HDAC5: variants seen among roughly 807,000 people sequenced by gnomAD.
The protein encoded by HDAC5 is histone deacetylase 5, also known as antigen NY-CO-9.
A neutral mutation model predicts 133.3 loss-of-function variants in HDAC5; 25 were observed. The ratio of observed to expected loss-of-function variants is 0.19; its 90% CI spans 0.14 to 0.26. The LOEUF (loss-of-function observed/expected upper bound fraction) is 0.26, where lower values mean the gene tolerates loss of function less well. HDAC5 is among the 10% of genes least tolerant of loss of function. HDAC5 has a pLI of 1.00. For missense variants in HDAC5, 1,041 were observed against 1,460.5 expected, an observed-to-expected ratio of 0.71 and a Z score of 4.68; for synonymous variants, 589 against 610.8, an observed-to-expected ratio of 0.96 and a Z score of 0.53.
Position 44,091,797 on chromosome 17 carries a change from C to G in HDAC5, c.1067G>C (p.Ser356Thr). The change falls in exon 10 of 27, where the codon AGC (serine) becomes ACC (threonine). Residue 356 changes from serine to threonine, a missense_variant. Physicochemically the swap from Ser to Thr is moderately conservative, Grantham distance 58. This residue lies in a region of HDAC5 where 433 missense variants were observed against 531.6 expected (regional missense o/e 0.81). Transcript: ENST00000682912. ...GTAGAGGCTGAACTGGTTGGGGGAG[C>G]TGTCCAGAGGGAGGGCTCGGTGCTG... ...LPQHRALPLD[S>T]SPNQFSLYTS... The G allele has an allele frequency of 6.9e-6, 11 of 1,596,804 alleles. No homozygotes were observed. The highest frequency in any genetic ancestry group is 9.4e-6 in the Non-Finnish European group (11 of 1,171,654).
chr17:44,112,702 G>A (rs2052417065), intron 2 of HDAC5, among the ~76,000 whole-genome samples: 1 of 152,188 alleles, frequency 6.6e-6, no homozygotes, highest in African/African-American at 2.4e-5. Context: ...CTGCCCTCAG[G>A]CTGGGAGTGG....
At position 44,078,306 on chromosome 17, in the gene HDAC5, CTT is replaced by C. The variant is rs1260449953; in HGVS notation, c.*68_*69del. On this transcript the variant is annotated 3_prime_UTR_variant, in exon 27 of 27. Coordinates refer to ENST00000682912, the MANE Select transcript of HDAC5 (RefSeq NM_005474.5). ...ACGGCACACCTTGTTGAATGTGTGA[CTT>C]TTTGTTTTTAATAGAAAAAATAAAC... is the stretch of plus-strand genomic sequence containing the variant. The C allele has an allele frequency of 3.4e-6, 5 of 1,458,892 alleles. No homozygotes were observed. The highest frequency in any genetic ancestry group is 5.6e-5 in the Admixed American group (2 of 35,812). 90.4% of individuals were successfully genotyped at this position (1,458,892 alleles called of 1,614,324 possible).
intron 2 of HDAC5, among the ~76,000 whole-genome samples, chr17:44,115,542 G>A (rs1383618654): frequency 1.3e-5 from 2 of 152,218 alleles, no homozygotes; most frequent in Non-Finnish European, 2.9e-5. Context: ...AATAGCAGAC[G>A]CTAGGCCCCT....
At chr17:44,107,739 A>C (rs994927138) in intron 3 of HDAC5, among the ~76,000 whole-genome samples, 11 of 152,150 alleles carry the variant, frequency 7.2e-5, no homozygotes, top group African/African-American at 2.7e-4. Flanking sequence ...CTATACACAC[A>C]GCCAAACCCA....
chr17:44,118,155 T>C (rs1039893427), intron 1 of HDAC5, among the ~76,000 whole-genome samples: 1 of 152,182 alleles, frequency 6.6e-6, no homozygotes, highest in Non-Finnish European at 1.5e-5. Context: ...AGCTGGGACT[T>C]CTAGGGGTCT....
Position 44,106,995 on chromosome 17 carries a change from G to C in HDAC5, c.94+3734C>G, listed in dbSNP as rs139935158. Among the ~76,000 whole-genome samples the C allele has an allele frequency of 4.1e-4, 63 of 152,058 alleles. 1 individual carries two copies. The South Asian group carries it at 1.0e-2, about 24-fold the overall frequency. ...GATAGGGTCTTGTTATAGCGCCCAG[G>C]CTGGAATGCAGTGATCATGGCTCAT... On this transcript the variant is annotated intron_variant, in intron 3 of 26. Transcript: ENST00000682912.
intron 3 of HDAC5, 108 bp downstream of exon 3, chr17:44,110,621 G>A (rs1483793906): frequency 1.1e-6 from 1 of 875,012 alleles, no homozygotes; most frequent in African/African-American, 1.6e-5. Context: ...AAACTCTCAA[G>A]ACAGATCTAT....
At chr17:44,111,148 G>C (rs778243537) in intron 2 of HDAC5, 2 of 390,438 alleles carry the variant, frequency 5.1e-6, no homozygotes, top group South Asian at 4.7e-5. Flanking sequence ...AGGAAGGGGA[G>C]CTCAGCGGGC....
In HDAC5 at chr17:44,117,563, G is replaced by C. The variant is rs370734419; in HGVS notation, c.-48C>G. ...GCTGGCGTTGGGGGCTGGGACGGGA[G>C]GGGGTGGAGCTGCGGTGATGTCAAG... On this transcript the variant is annotated 5_prime_UTR_variant, in exon 2 of 27. Transcript: ENST00000682912. The surrounding 1 kb of genome is among the most constrained non-coding windows in gnomAD (Gnocchi z 4.2). 7 of 1,604,746 alleles carry C rather than the reference G, an allele frequency of 4.4e-6. No homozygotes were observed. The African/African-American group carries it at 6.7e-5, about 15-fold the overall frequency.
chr17:44,091,615 T>C, intron 10 of HDAC5, 85 bp downstream of exon 10: 4 of 1,496,326 alleles, frequency 2.7e-6, no homozygotes, highest in Non-Finnish European at 3.6e-6. Context: ...CTTAGGGCCT[T>C]GGAAGGGGAA....
chr17:44,103,959 C>T lies in HDAC5; in HGVS notation c.94+6770G>A, dbSNP rs187265060. On this transcript the variant is annotated intron_variant, in intron 3 of 26. Coordinates refer to ENST00000682912, the MANE Select transcript of HDAC5 (RefSeq NM_005474.5). ...CTGACCTCAGGTGATCCGCCTGCCT[C>T]GGCCTCCCAAAGTGCTGGAATTATA... 1.4e-3 allele frequency among the ~76,000 whole-genome samples: 213 copies of T among 152,070 alleles called. 1 individual carries two copies. The highest frequency in any genetic ancestry group is 4.9e-3 in the African/African-American group (203 of 41,512).
chr17:44,106,590 A>C (rs943187537), intron 3 of HDAC5, among the ~76,000 whole-genome samples: 14 of 151,488 alleles, frequency 9.2e-5, no homozygotes, highest in African/African-American at 7.3e-5. Flanking sequence ...TGCACAAAAG[A>C]AGCTTTTTTT....
chr17:44,100,409 C>G (rs1470868711), intron 3 of HDAC5, among the ~76,000 whole-genome samples: 1 of 151,886 alleles, frequency 6.6e-6, no homozygotes, highest in East Asian at 1.9e-4. Context: ...GGCTTAGCAT[C>G]TAGCTCTAAA....
intron 6 of HDAC5, 97 bp downstream of exon 6, chr17:44,092,995 G>GTA: frequency 1.2e-6 from 1 of 845,202 alleles, no homozygotes. Flanking sequence ...TGCAGGGCCC[G>GTA]TATATGGGCA....
chr17:44,091,648 G>A (rs1241151966), intron 10 of HDAC5, 52 bp downstream of exon 10: 7 of 1,515,114 alleles, frequency 4.6e-6, no homozygotes, highest in Non-Finnish European at 6.2e-6. Context: ...GGGCATGCAG[G>A]ACCTGTGACC....
intron 2 of HDAC5, 147 bp from the exon 3 acceptor site, chr17:44,110,947 A>AC: frequency 3.0e-6 from 2 of 662,940 alleles, no homozygotes; most frequent in South Asian, 3.4e-5. Flanking sequence ...CCCGCACAGC[A>AC]CAGGTTCCCT....
chr17:44,121,443 CT>C (rs1237627643), intron 1 of HDAC5, among the ~76,000 whole-genome samples: 12 of 141,082 alleles, frequency 8.5e-5, no homozygotes, highest in African/African-American at 1.6e-4. Context: ...CTTCCCCCCC[CT>C]ACTGCCACCA....
chr17:44,086,986 C>CGGGGGGGGGGG (rs2050685214), intron 13 of HDAC5, among the ~76,000 whole-genome samples: 1 of 2,838 alleles, frequency 3.5e-4, no homozygotes, highest in African/African-American at 1.4e-3. Context: ...GGGGTGGGGG[C>CGGGGGGGGGGG]GGGGGCGGGG....
chr17:44,095,033 G>A (rs1027867347), intron 3 of HDAC5, among the ~76,000 whole-genome samples: 8 of 151,948 alleles, frequency 5.3e-5, no homozygotes, highest in Admixed American at 2.6e-4. Flanking sequence ...AGGCTCAAGC[G>A]ATCCTCCCAC....
Sources: allele counts gnomAD v4.1 joint callset (sites outside exome capture counted in the v4.1 genomes callset), GRCh38; gene constraint gnomAD v4.1.1; regional missense constraint gnomAD v4.1.1; non-coding constraint Gnocchi (gnomAD v3.1); transcripts MANE v1.5; gene names NCBI Gene and HGNC (gene_info 2026-07-23, HGNC 2026-07-21).